Variants in DCC observed in about 807,000 individuals in gnomAD.
The protein encoded by DCC is DCC netrin 1 receptor.
A neutral mutation model predicts 172.5 loss-of-function variants in DCC; 58 were observed. The observed-to-expected ratio is 0.34, with a 90% CI of 0.27 to 0.42. DCC has a LOEUF of 0.42. Ranked by LOEUF, DCC falls within the 10% of genes least tolerant of loss-of-function variation. DCC has a pLI of 1.00. For missense variants in DCC, 1,740 were observed against 1,791.0 expected (o/e 0.97, Z 0.51); for synonymous variants, 709 against 644.5 (o/e 1.10, Z -1.52).
chr18:53,200,786 G>A (rs1230003389), intron 9 of DCC, among the ~76,000 whole-genome samples: 1 of 151,982 alleles, frequency 6.6e-6, no homozygotes, highest in East Asian at 1.9e-4. Context: ...ATGACCTCCC[G>A]CTCCAGACCA....
intron 1 of DCC, among the ~76,000 whole-genome samples, chr18:52,689,773 G>A (rs1413807703): frequency 1.3e-5 from 2 of 152,100 alleles, no homozygotes; most frequent in Non-Finnish European, 2.9e-5. Context: ...TTAATTTGGG[G>A]TAAAATTTCC....
intron 5 of DCC, among the ~76,000 whole-genome samples, chr18:53,059,097 G>T (rs6508194): frequency 6.6e-6 from 1 of 151,846 alleles, no homozygotes; most frequent in African/African-American, 2.4e-5. Flanking sequence ...GGAGAAGTGT[G>T]GAGCCAAAGG....
intron 2 of DCC, among the ~76,000 whole-genome samples, chr18:52,837,733 T>A (rs1257110546): frequency 6.6e-6 from 1 of 152,244 alleles, no homozygotes; most frequent in Non-Finnish European, 1.5e-5. Flanking sequence ...TTCCACATTT[T>A]CAGTATCATT....
chr18:52,702,417 A>G (rs1383576951), intron 1 of DCC, among the ~76,000 whole-genome samples: 1 of 152,194 alleles, frequency 6.6e-6, no homozygotes, highest in Non-Finnish European at 1.5e-5. Flanking sequence ...GAAGTTTACA[A>G]GTCCAATAAC....
At chr18:53,505,469 T>C (rs2046160433) in intron 27 of DCC, 1 of 151,930 alleles carries the variant, frequency 6.6e-6, no homozygotes, top group African/African-American at 2.4e-5. Context: ...TTTTTCAGAA[T>C]TGCAAAAACT....
chr18:53,350,752 CTT>C (rs942735267), intron 15 of DCC, among the ~76,000 whole-genome samples: 1 of 151,972 alleles, frequency 6.6e-6, no homozygotes, highest in African/African-American at 2.4e-5. Flanking sequence ...AAATGTCAAA[CTT>C]TATATTGTGG....
At chr18:52,364,868 G>A (rs115598667) in intron 1 of DCC, among the ~76,000 whole-genome samples, 2,681 of 152,290 alleles carry the variant, frequency 0.018, 67 homozygotes, top group African/African-American at 0.062. Context: ...GAGACTGAAT[G>A]AGTTTCTTGG....
chr18:53,047,454 T>C (rs1490639086), intron 5 of DCC, among the ~76,000 whole-genome samples: 3 of 102,082 alleles, frequency 2.9e-5, no homozygotes, highest in Admixed American at 1.9e-4. Flanking sequence ...TATATATATA[T>C]ATATATATAC....
At chr18:53,445,924 T>C (rs1912568432) in intron 22 of DCC, among the ~76,000 whole-genome samples, 1 of 151,626 alleles carries the variant, frequency 6.6e-6, no homozygotes. Flanking sequence ...AGGTATATTA[T>C]GATACAAGGT....
chr18:52,716,851 G>A (rs1307469674), intron 1 of DCC, among the ~76,000 whole-genome samples: 3 of 152,188 alleles, frequency 2.0e-5, no homozygotes, highest in South Asian at 4.1e-4. Flanking sequence ...TCTTGAAACT[G>A]TTCTAAAATT....
intron 2 of DCC, among the ~76,000 whole-genome samples, chr18:52,799,198 C>G (rs1489929487): frequency 6.6e-6 from 1 of 152,170 alleles, no homozygotes; most frequent in Non-Finnish European, 1.5e-5. Flanking sequence ...CTTGAGACTT[C>G]CATTAATTTA....
At chr18:53,081,597 G>T (rs891513152) in intron 7 of DCC, among the ~76,000 whole-genome samples, 2 of 151,850 alleles carry the variant, frequency 1.3e-5, no homozygotes, top group African/African-American at 4.8e-5. Flanking sequence ...CGTCACATGT[G>T]CCTCATTTAA....
chr18:53,466,221 T>C (rs189390598), intron 24 of DCC, among the ~76,000 whole-genome samples: 1 of 152,314 alleles, frequency 6.6e-6, no homozygotes, highest in African/African-American at 2.4e-5. Flanking sequence ...ACTCAGTGGT[T>C]GCCATTTTAA....
At position 52,638,920 on chromosome 18, in the gene DCC, A is replaced by G. The variant is rs144766008; in HGVS notation, c.92-113134A>G. On this transcript the variant is annotated intron_variant, in intron 1 of 28. Coordinates refer to ENST00000442544, the MANE Select transcript of DCC (RefSeq NM_005215.4). ...GAATACACGTTCTATTTAACAATGCATGGAACTTTCTCCAAGATAGACCAT... is the reference window on the plus strand; with the variant it reads ...GAATACACGTTCTATTTAACAATGCGTGGAACTTTCTCCAAGATAGACCAT... Among the ~76,000 whole-genome samples the G allele has an allele frequency of 6.2e-4, 95 of 152,226 alleles. No individual in the cohort carries two copies. The Middle Eastern group carries it at 0.017, about 27-fold the overall frequency.
chr18:52,451,182 T>C (rs1025612723), intron 1 of DCC, among the ~76,000 whole-genome samples: 3 of 152,244 alleles, frequency 2.0e-5, no homozygotes, highest in Admixed American at 6.5e-5. Context: ...TCTTTCCAGT[T>C]GTCAGGATGT....
At chr18:53,053,685 C>G (rs77447572) in intron 5 of DCC, among the ~76,000 whole-genome samples, 2 of 152,080 alleles carry the variant, frequency 1.3e-5, no homozygotes, top group Non-Finnish European at 2.9e-5. Context: ...ACAGGGAATA[C>G]TAGAAAATAT....
intron 1 of DCC, among the ~76,000 whole-genome samples, chr18:52,517,908 C>T (rs2031691146): frequency 6.6e-6 from 1 of 152,148 alleles, no homozygotes; most frequent in Admixed American, 6.5e-5. Flanking sequence ...CATTCATTCT[C>T]ATTGCTGCAT....
chr18:52,445,822 T>C (rs935717372), intron 1 of DCC, among the ~76,000 whole-genome samples: 9 of 152,344 alleles, frequency 5.9e-5, no homozygotes, highest in African/African-American at 2.2e-4. Flanking sequence ...GCTGGTCTTT[T>C]GGGGGAAGGT....
At chr18:52,898,923 G>A (rs558104615) in intron 2 of DCC, among the ~76,000 whole-genome samples, 47 of 152,150 alleles carry the variant, frequency 3.1e-4, no homozygotes, top group African/African-American at 1.1e-3. Flanking sequence ...TTGTTCCTGG[G>A]GACAGTGATG....
Sources: allele counts gnomAD v4.1 joint callset (sites outside exome capture counted in the v4.1 genomes callset), GRCh38; gene constraint gnomAD v4.1.1; transcripts MANE v1.5; gene names NCBI Gene and HGNC (gene_info 2026-07-23, HGNC 2026-07-21).